PPARGC1A: variants seen among roughly 807,000 people sequenced by gnomAD.
PPARGC1A encodes the protein peroxisome proliferator-activated receptor gamma coactivator 1-alpha.
A neutral mutation model predicts 88.7 loss-of-function variants in PPARGC1A; 25 were observed. That is an observed-to-expected ratio of 0.28 (90% confidence interval 0.21 to 0.39). PPARGC1A has a LOEUF of 0.39. Among genes scored for constraint, PPARGC1A ranks in the 10% least tolerant of loss-of-function variants. The pLI is 1.00. For synonymous variants in PPARGC1A, 363 were observed against 355.6 expected (o/e 1.02, Z -0.24); for missense variants, 880 against 968.7 (o/e 0.91, Z 1.22).
the PPARGC1A span, among the ~76,000 whole-genome samples, chr4:23,961,141 C>T: frequency 6.6e-6 from 1 of 152,062 alleles, no homozygotes; most frequent in African/African-American, 2.4e-5. Context: ...GAAGTAACAC[C>T]GTCTTACTAT....
the PPARGC1A span, among the ~76,000 whole-genome samples, chr4:24,069,989 A>T: frequency 6.6e-6 from 1 of 152,156 alleles, no homozygotes; most frequent in African/African-American, 2.4e-5. Flanking sequence ...TAGTTCTACC[A>T]CTTTCTACCA....
chr4:24,274,662 A>T, the PPARGC1A span, among the ~76,000 whole-genome samples: 1 of 152,330 alleles, frequency 6.6e-6, no homozygotes, highest in East Asian at 1.9e-4. Flanking sequence ...TTATACAAAA[A>T]TTGGCAGCAG....
At chr4:24,311,715 T>C in the PPARGC1A span, among the ~76,000 whole-genome samples, 3 of 151,850 alleles carry the variant, frequency 2.0e-5, no homozygotes, top group African/African-American at 7.3e-5. Flanking sequence ...AGGGGACTGA[T>C]TCGGTAAGCT....
the PPARGC1A span, among the ~76,000 whole-genome samples, chr4:24,071,330 T>C: frequency 6.6e-6 from 1 of 152,200 alleles, no homozygotes; most frequent in Non-Finnish European, 1.5e-5. Context: ...CAATACTCTG[T>C]TTCCTCATCT....
At chr4:24,462,545 GA>G in the PPARGC1A span, among the ~76,000 whole-genome samples, 1 of 151,888 alleles carries the variant, frequency 6.6e-6, no homozygotes, top group Non-Finnish European at 1.5e-5. Context: ...CTAGCTGTGT[GA>G]CCTTGGCTAC....
At chr4:24,102,460 G>A in the PPARGC1A span, among the ~76,000 whole-genome samples, 1 of 152,266 alleles carries the variant, frequency 6.6e-6, no homozygotes, top group Middle Eastern at 3.4e-3. Flanking sequence ...TGGGGACAAG[G>A]GTCCTTCTGA....
the PPARGC1A span, among the ~76,000 whole-genome samples, chr4:24,132,096 G>A: frequency 6.6e-6 from 1 of 152,166 alleles, no homozygotes; most frequent in Non-Finnish European, 1.5e-5. Flanking sequence ...TTCTCTTACT[G>A]AATCCTTTCA....
the PPARGC1A span, among the ~76,000 whole-genome samples, chr4:24,052,313 C>A: frequency 7.9e-5 from 12 of 152,194 alleles, no homozygotes; most frequent in African/African-American, 2.9e-4. Context: ...GATGACATGG[C>A]CTCTTAAGTA....
the PPARGC1A span, among the ~76,000 whole-genome samples, chr4:24,066,080 C>CA: frequency 2.8e-4 from 39 of 139,550 alleles, no homozygotes; most frequent in Non-Finnish European, 1.9e-4. Context: ...CTTTGCCTTC[C>CA]GTCTCCTTGG....
chr4:23,808,003 G>C (rs1303135611), intron 10 of PPARGC1A, among the ~76,000 whole-genome samples: 1 of 152,010 alleles, frequency 6.6e-6, no homozygotes, highest in Non-Finnish European at 1.5e-5. Flanking sequence ...ATAACTCTGA[G>C]CACTTTGGGA....
chr4:24,468,122 G>T, the PPARGC1A span, among the ~76,000 whole-genome samples: 1 of 152,158 alleles, frequency 6.6e-6, no homozygotes, highest in Non-Finnish European at 1.5e-5. Flanking sequence ...GGCTTACATA[G>T]TGACAGCTAA....
At chr4:24,372,648 A>G in the PPARGC1A span, among the ~76,000 whole-genome samples, 1 of 152,204 alleles carries the variant, frequency 6.6e-6, no homozygotes, top group Non-Finnish European at 1.5e-5. Context: ...TCTACCGAAA[A>G]GAACTTTTGA....
chr4:24,366,824 A>C, the PPARGC1A span, among the ~76,000 whole-genome samples: 381 of 152,296 alleles, frequency 2.5e-3, 14 homozygotes, highest in East Asian at 0.058. Flanking sequence ...CATAGAGATG[A>C]CTTTGTTTTC....
At chr4:23,869,550 C>T (rs1019140126) in intron 2 of PPARGC1A, among the ~76,000 whole-genome samples, 1 of 151,960 alleles carries the variant, frequency 6.6e-6, no homozygotes, top group African/African-American at 2.4e-5. Flanking sequence ...TTTAGGAAGC[C>T]CAGTCCTGTA....
At chr4:24,419,558 T>C in the PPARGC1A span, among the ~76,000 whole-genome samples, 1 of 151,316 alleles carries the variant, frequency 6.6e-6, no homozygotes, top group Non-Finnish European at 1.5e-5. Context: ...AGAACTTCCT[T>C]AATGCCACAG....
chr4:23,958,336 CA>C, the PPARGC1A span, among the ~76,000 whole-genome samples: 1 of 151,954 alleles, frequency 6.6e-6, no homozygotes, highest in Non-Finnish European at 1.5e-5. Context: ...CAGAAAACTC[CA>C]GGAAGACAAA....
At chr4:24,275,223 C>T in the PPARGC1A span, among the ~76,000 whole-genome samples, 3 of 63,790 alleles carry the variant, frequency 4.7e-5, no homozygotes, top group African/African-American at 1.9e-4. Context: ...TATTTAAATA[C>T]GTTTACTTAC....
the PPARGC1A span, among the ~76,000 whole-genome samples, chr4:24,387,938 A>AAGAAAGAAAGAAAGAAAGAAAGAT: frequency 7.8e-5 from 9 of 115,026 alleles, 1 homozygote; most frequent in Middle Eastern, 3.9e-3. Context: ...AAGAAAGAGA[A>AAGAAAGAAAGAAAGAAAGAAAGAT]AGAAAGAAAG....
chr4:23,948,221 C>T, the PPARGC1A span, among the ~76,000 whole-genome samples: 2 of 152,122 alleles, frequency 1.3e-5, no homozygotes, highest in Non-Finnish European at 2.9e-5. Flanking sequence ...AATAAAACAC[C>T]GTTGCTTCCC....
Sources: allele counts gnomAD v4.1 joint callset (sites outside exome capture counted in the v4.1 genomes callset), GRCh38; gene constraint gnomAD v4.1.1; transcripts MANE v1.5; gene names NCBI Gene and HGNC (gene_info 2026-07-23, HGNC 2026-07-21).